The following GRM5 variants were observed in gnomAD, a reference collection of about 807,000 sequenced individuals.
GRM5 encodes the protein glutamate metabotropic receptor 5, also known as metabotropic glutamate receptor 5.
Under a neutral mutation model 83.1 loss-of-function variants are expected in GRM5, and 19 were observed. The observed-to-expected ratio is 0.23, with a 90% CI of 0.16 to 0.34. The LOEUF (loss-of-function observed/expected upper bound fraction) is 0.34, where lower values mean the gene tolerates loss of function less well. Among genes scored for constraint, GRM5 ranks in the 10% least tolerant of loss-of-function variants. GRM5 has a pLI of 1.00. For synonymous variants in GRM5, 675 were observed against 633.6 expected (o/e 1.07, Z -0.98); for missense variants, 1,160 against 1,588.3 (o/e 0.73, Z 4.58).
chr11:88,890,134 C>CCCACATCT (rs1366870609), intron 2 of GRM5, among the ~76,000 whole-genome samples: 1 of 151,756 alleles, frequency 6.6e-6, no homozygotes, highest in African/African-American at 2.4e-5. Flanking sequence ...TCCCCACATC[C>CCCACATCT]CCACCCCCGA....
intron 3 of GRM5, among the ~76,000 whole-genome samples, chr11:88,791,389 G>A (rs1224247692): frequency 6.6e-6 from 1 of 152,132 alleles, no homozygotes; most frequent in Non-Finnish European, 1.5e-5. Context: ...ACTTTGTCTT[G>A]TTTACTCTTT....
intron 4 of GRM5, among the ~76,000 whole-genome samples, chr11:88,621,432 T>C (rs1938631428): frequency 6.6e-6 from 1 of 152,208 alleles, no homozygotes; most frequent in South Asian, 2.1e-4. Context: ...AAAATGATTC[T>C]TTTTTCAGGG....
chr11:88,605,361 A>G (rs987650694), intron 4 of GRM5, among the ~76,000 whole-genome samples: 3 of 151,632 alleles, frequency 2.0e-5, no homozygotes, highest in African/African-American at 7.3e-5. Context: ...TCCAGTTTCT[A>G]AACTATTATG....
chr11:88,612,580 A>C (rs1219895532), intron 4 of GRM5, among the ~76,000 whole-genome samples: 1 of 152,162 alleles, frequency 6.6e-6, no homozygotes, highest in Non-Finnish European at 1.5e-5. Context: ...TTACACTCCC[A>C]CCAACAGTGT....
In GRM5 at chr11:89,047,704, A is replaced by T; in HGVS notation, c.169T>A (p.Cys57Ser). Residue 57 changes from cysteine to serine, a missense_variant, in exon 2 of 10, where the codon TGT becomes AGT. Coordinates refer to ENST00000305447, the MANE Select transcript of GRM5 (RefSeq NM_001143831.3). The surrounding 1 kb of genome is among the most constrained non-coding windows in gnomAD (Gnocchi z 5.1). ...CCATACTGTTCACGGACCGCCCCAC[A>T]CTTCCTCTCATGAACTTTGTCCACA... ...PTVDKVHERK[C>S]GAVREQYGIQ... 6.2e-7 allele frequency: 1 copy of T among 1,614,066 alleles called. No individual in the cohort carries two copies. Among genetic ancestry groups the T allele is most frequent in the Non-Finnish European group, 8.5e-7 (1 of 1,180,012 alleles).
chr11:88,758,711 G>T (rs1475357559), intron 3 of GRM5, among the ~76,000 whole-genome samples: 1 of 152,114 alleles, frequency 6.6e-6, no homozygotes, highest in Non-Finnish European at 1.5e-5. Context: ...TAGCCAGAGA[G>T]GCAAATGTTT....
At chr11:88,665,763 A>T (rs1398529760) in intron 3 of GRM5, among the ~76,000 whole-genome samples, 1 of 151,696 alleles carries the variant, frequency 6.6e-6, no homozygotes, top group African/African-American at 2.4e-5. Context: ...TCCTCTGAAG[A>T]CAACTAGAAA....
At chr11:88,795,086 C>T (rs1258162866) in intron 3 of GRM5, among the ~76,000 whole-genome samples, 1 of 152,154 alleles carries the variant, frequency 6.6e-6, no homozygotes. Flanking sequence ...AGAGCTAGAA[C>T]ATGTAGAAAA....
At chr11:88,692,446 C>T (rs1166811389) in intron 3 of GRM5, among the ~76,000 whole-genome samples, 3 of 152,046 alleles carry the variant, frequency 2.0e-5, no homozygotes, top group Non-Finnish European at 2.9e-5. Context: ...CAAATAAAGA[C>T]GAATGCTGAA....
At chr11:88,803,963 A>T (rs1293687588) in intron 3 of GRM5, among the ~76,000 whole-genome samples, 1 of 151,844 alleles carries the variant, frequency 6.6e-6, no homozygotes, top group Non-Finnish European at 1.5e-5. Context: ...CATCAGAGAA[A>T]TGCAAATCAA....
At chr11:88,752,181 T>C (rs1942290602) in intron 3 of GRM5, among the ~76,000 whole-genome samples, 2 of 152,106 alleles carry the variant, frequency 1.3e-5, no homozygotes, top group South Asian at 4.1e-4. Flanking sequence ...TTGCAGATGA[T>C]GTGATCCTAT....
At chr11:88,680,898 T>C (rs538697668) in intron 3 of GRM5, among the ~76,000 whole-genome samples, 17 of 152,290 alleles carry the variant, frequency 1.1e-4, no homozygotes, top group African/African-American at 4.1e-4. Context: ...ATCCACCCTG[T>C]AATTCATCAC....
chr11:88,891,970 T>C (rs958945942), intron 2 of GRM5, among the ~76,000 whole-genome samples: 3 of 152,098 alleles, frequency 2.0e-5, no homozygotes, highest in South Asian at 4.1e-4. Context: ...TATTTTGTTT[T>C]TCAGAGTCAA....
intron 3 of GRM5, among the ~76,000 whole-genome samples, chr11:88,798,858 G>T (rs1415085575): frequency 7.0e-6 from 1 of 142,872 alleles, no homozygotes; most frequent in Non-Finnish European, 1.5e-5. Context: ...AACTGCAACA[G>T]TGGAGCTTAT....
At chr11:88,998,194 T>G (rs1188756758) in intron 2 of GRM5, among the ~76,000 whole-genome samples, 1 of 152,016 alleles carries the variant, frequency 6.6e-6, no homozygotes, top group African/African-American at 2.4e-5. Context: ...AAAATATTAT[T>G]AGGTAGAATT....
intron 3 of GRM5, among the ~76,000 whole-genome samples, chr11:88,780,502 T>C (rs7940561): frequency 0.029 from 4,347 of 152,138 alleles, 217 homozygotes; most frequent in African/African-American, 0.098. Context: ...GTCAATCTTC[T>C]CAACTGAAAA....
intron 2 of GRM5, among the ~76,000 whole-genome samples, chr11:89,028,212 C>T (rs1480328813): frequency 2.0e-5 from 3 of 152,088 alleles, no homozygotes; most frequent in Non-Finnish European, 4.4e-5. Context: ...TACAAGAAGC[C>T]CACATCCTCA....
chr11:88,756,171 T>C (rs1044202746), intron 3 of GRM5, among the ~76,000 whole-genome samples: 3 of 152,306 alleles, frequency 2.0e-5, no homozygotes, highest in Non-Finnish European at 2.9e-5. Flanking sequence ...TGTTTCGTGT[T>C]ATTCCAGTTT....
chr11:88,641,336 C>T (rs564121471), intron 4 of GRM5, among the ~76,000 whole-genome samples: 1 of 152,122 alleles, frequency 6.6e-6, no homozygotes, highest in East Asian at 1.9e-4. Flanking sequence ...CCACCTCCAA[C>T]ACTGGGGATT....
Sources: allele counts gnomAD v4.1 joint callset (sites outside exome capture counted in the v4.1 genomes callset), GRCh38; gene constraint gnomAD v4.1.1; non-coding constraint Gnocchi (gnomAD v3.1); transcripts MANE v1.5; gene names NCBI Gene and HGNC (gene_info 2026-07-23, HGNC 2026-07-21).